The following ZNRF1 variants were observed in gnomAD, a reference collection of about 807,000 sequenced individuals.
ZNRF1 encodes zinc and ring finger 1, also known as E3 ubiquitin-protein ligase ZNRF1.
Under a neutral mutation model 18.4 loss-of-function variants are expected in ZNRF1, and 3 were observed. The ratio of observed to expected loss-of-function variants is 0.16; its 90% CI spans 0.07 to 0.42. ZNRF1 has a LOEUF of 0.42. Among genes scored for constraint, ZNRF1 ranks in the 10% least tolerant of loss-of-function variants. The pLI, the probability that ZNRF1 is intolerant of heterozygous loss-of-function variation, is 0.99. For synonymous variants in ZNRF1, 157 were observed against 144.2 expected, an observed-to-expected ratio of 1.09 and a Z score of -0.64; for missense variants, 310 against 329.8, an observed-to-expected ratio of 0.94 and a Z score of 0.47.
chr16:75,083,478 A>C (rs1386185447), intron 1 of ZNRF1, among the ~76,000 whole-genome samples: 1 of 152,224 alleles, frequency 6.6e-6, no homozygotes, highest in Non-Finnish European at 1.5e-5. Flanking sequence ...GGAATCTACC[A>C]TGCTTAGAGT....
intron 1 of ZNRF1, among the ~76,000 whole-genome samples, chr16:75,045,044 A>G (rs549891761): frequency 6.6e-6 from 1 of 152,240 alleles, no homozygotes; most frequent in South Asian, 2.1e-4. Context: ...GTGGGAAACA[A>G]ACTTCGTCTT....
In ZNRF1 at chr16:75,110,914, T is replaced by G. The variant is rs1450482450; in HGVS notation, c.*3214T>G. The G allele has an allele frequency of 6.7e-6, 1 of 150,276 alleles. No individual in the cohort carries two copies. Among genetic ancestry groups the G allele is most frequent in the Non-Finnish European group, 1.5e-5 (1 of 67,676 alleles). The allele number at this position is 150,276 out of a possible 1,614,324, so 9.3% of individuals were successfully genotyped here. Reference sequence around the variant, plus strand: ...GGTGGTTTGGGGAGAGGGCTGAGATTTGTCACCAGTGAGCCCTTGGCACGG... The same window carrying G: ...GGTGGTTTGGGGAGAGGGCTGAGATGTGTCACCAGTGAGCCCTTGGCACGG... On this transcript the variant is annotated 3_prime_UTR_variant, in exon 5 of 5. Transcript: ENST00000335325.
At chr16:75,075,913 T>G (rs562042897) in intron 1 of ZNRF1, among the ~76,000 whole-genome samples, 2 of 152,336 alleles carry the variant, frequency 1.3e-5, no homozygotes, top group South Asian at 4.1e-4. Flanking sequence ...GATGCTTCAT[T>G]GGAACTGGGG....
chr16:75,031,652 G>A (rs576170888), intron 1 of ZNRF1, among the ~76,000 whole-genome samples: 1 of 152,066 alleles, frequency 6.6e-6, no homozygotes, highest in African/African-American at 2.4e-5. Flanking sequence ...GACTACAGGC[G>A]CTTGCCACCA....
intron 1 of ZNRF1, among the ~76,000 whole-genome samples, chr16:75,024,905 T>G (rs1013183891): frequency 6.6e-6 from 1 of 152,202 alleles, no homozygotes; most frequent in Admixed American, 6.5e-5. Flanking sequence ...ATCCCTCTGG[T>G]GTATATGTCT....
At chr16:75,015,290 A>G (rs1047847926) in intron 1 of ZNRF1, among the ~76,000 whole-genome samples, 1 of 152,152 alleles carries the variant, frequency 6.6e-6, no homozygotes, top group African/African-American at 2.4e-5. Flanking sequence ...TCCTTAATCC[A>G]TGGGTAATTA....
intron 1 of ZNRF1, among the ~76,000 whole-genome samples, chr16:75,037,923 G>C (rs959359282): frequency 2.1e-4 from 32 of 152,274 alleles, no homozygotes; most frequent in African/African-American, 7.5e-4. Flanking sequence ...AAAAGTCTAT[G>C]ATGAGGAAGT....
intron 1 of ZNRF1, among the ~76,000 whole-genome samples, chr16:75,041,253 C>T (rs903746566): frequency 5.9e-5 from 9 of 152,118 alleles, no homozygotes; most frequent in Admixed American, 2.6e-4. Context: ...TTGCCAACAC[C>T]GTGTATTGTT....
chr16:75,099,935 G>A (rs1336548187), intron 2 of ZNRF1, among the ~76,000 whole-genome samples: 1 of 152,192 alleles, frequency 6.6e-6, no homozygotes, highest in Non-Finnish European at 1.5e-5. Context: ...CACAGCCCCA[G>A]GGGTGGGGAC....
chr16:75,029,929 G>A (rs539941379), intron 1 of ZNRF1, among the ~76,000 whole-genome samples: 27 of 151,798 alleles, frequency 1.8e-4, no homozygotes, highest in African/African-American at 6.3e-4. Context: ...GTTGTGTTGT[G>A]GTGAATGCTT....
intron 1 of ZNRF1, among the ~76,000 whole-genome samples, chr16:75,077,671 A>G (rs1178837019): frequency 6.6e-6 from 1 of 152,176 alleles, no homozygotes; most frequent in Non-Finnish European, 1.5e-5. Context: ...ATTTTTGGAG[A>G]TGAGAAATCT....
chr16:75,072,211 G>C (rs1189338476), intron 1 of ZNRF1, among the ~76,000 whole-genome samples: 3 of 151,946 alleles, frequency 2.0e-5, no homozygotes, highest in Non-Finnish European at 4.4e-5. Flanking sequence ...GACTCAAGCA[G>C]TCCTCCTGCC....
At chr16:75,071,810 G>T (rs1291404065) in intron 1 of ZNRF1, among the ~76,000 whole-genome samples, 2 of 152,096 alleles carry the variant, frequency 1.3e-5, no homozygotes, top group African/African-American at 2.4e-5. Flanking sequence ...TATTCTTCCA[G>T]TTCTTTGAAA....
At chr16:75,002,255 G>C (rs907704509) in intron 1 of ZNRF1, 1 of 152,194 alleles carries the variant, frequency 6.6e-6, no homozygotes, top group Non-Finnish European at 1.5e-5. Flanking sequence ...GAATCTTCGT[G>C]TGCAGCATTG....
Position 74,999,186 on chromosome 16 carries a change from C to T in ZNRF1, c.-486C>T, listed in dbSNP as rs1427558137. 1 of 146,890 alleles carries T rather than the reference C, an allele frequency of 6.8e-6. No individual in the cohort carries two copies. The highest frequency in any genetic ancestry group is 2.0e-4 in the East Asian group (1 of 5,082). 9.1% of individuals were successfully genotyped at this position (146,890 alleles called of 1,614,324 possible). A position where few individuals can be genotyped will look rare whatever the true frequency, so the allele number is the denominator to read the frequency against. ...CCCAGCGCCGCGGCCCGCCCGAGGCCTGGAGGGGTCCGGGCCGCCGTCCAT... is the reference window on the plus strand; with the variant it reads ...CCCAGCGCCGCGGCCCGCCCGAGGCTTGGAGGGGTCCGGGCCGCCGTCCAT... On this transcript the variant is annotated 5_prime_UTR_variant, in exon 1 of 5. Coordinates refer to ENST00000335325, the MANE Select transcript of ZNRF1 (RefSeq NM_032268.5).
At chr16:75,045,532 A>G (rs909545864) in intron 1 of ZNRF1, among the ~76,000 whole-genome samples, 1 of 147,538 alleles carries the variant, frequency 6.8e-6, no homozygotes, top group Non-Finnish European at 1.5e-5. Flanking sequence ...CGCTGGCTTT[A>G]TCTGAGCCAT....
intron 1 of ZNRF1, among the ~76,000 whole-genome samples, chr16:75,053,328 C>T (rs2035628945): frequency 6.6e-6 from 1 of 152,124 alleles, no homozygotes; most frequent in Non-Finnish European, 1.5e-5. Context: ...GTGGCTCATG[C>T]CTGTAATCCC....
chr16:75,102,531 T>A (rs1451621738), intron 2 of ZNRF1, among the ~76,000 whole-genome samples: 1 of 152,222 alleles, frequency 6.6e-6, no homozygotes, highest in African/African-American at 2.4e-5. Flanking sequence ...TCTCCTGATA[T>A]TTCTCCTGTG....
At chr16:75,020,563 A>G (rs2145335383) in intron 1 of ZNRF1, among the ~76,000 whole-genome samples, 1 of 148,734 alleles carries the variant, frequency 6.7e-6, no homozygotes, top group Admixed American at 6.7e-5. Context: ...TTTTTTTGAG[A>G]TGGAGTCTCG....
Sources: gnomAD v4.1 joint callset for allele counts (sites outside exome capture counted in the v4.1 genomes callset) on GRCh38, gnomAD v4.1.1 for gene constraint, MANE v1.5 for transcripts, NCBI Gene and HGNC (gene_info 2026-07-23, HGNC 2026-07-21) for gene names.